The following RANGAP1 variants were observed in gnomAD, a reference collection of about 807,000 sequenced individuals.
RANGAP1 encodes ran GTPase-activating protein 1.
RANGAP1 carries 38 observed loss-of-function variants against 63.5 expected under a neutral mutation model. The ratio of observed to expected loss-of-function variants is 0.60; its 90% confidence interval spans 0.46 to 0.78. The LOEUF is 0.78. Among genes scored for constraint, RANGAP1 ranks in the 30% least tolerant of loss-of-function variants. RANGAP1 has a pLI of 0.00. For synonymous variants in RANGAP1, 329 were observed against 310.5 expected (o/e 1.06, Z -0.63); for missense variants, 630 against 740.3 (o/e 0.85, Z 1.73).
At chr22:41,272,264 C>G (rs1445139232) in intron 3 of RANGAP1, among the ~76,000 whole-genome samples, 3 of 152,134 alleles carry the variant, frequency 2.0e-5, no homozygotes, top group Admixed American at 1.3e-4. Context: ...GGTTGGAAAA[C>G]ATCCCAGCTT....
In RANGAP1 at chr22:41,272,261, A is replaced by T. The variant is rs139676208; in HGVS notation, c.240+2339T>A. 1.8e-3 allele frequency among the ~76,000 whole-genome samples: 274 copies of T among 152,124 alleles called. 1 individual carries two copies. Among genetic ancestry groups the T allele is most frequent in the African/African-American group, 6.3e-3 (261 of 41,492 alleles). Reference sequence around the variant, plus strand: ...CTGAGTTCTGAGTTCTTTGGTTGGAAAACATCCCAGCTTATGCTCAGGGAA... The same window carrying T: ...CTGAGTTCTGAGTTCTTTGGTTGGATAACATCCCAGCTTATGCTCAGGGAA... On this transcript the variant is annotated intron_variant, in intron 3 of 15. Transcript: ENST00000356244.
chr22:41,277,025 C>A (rs1262077660), intron 2 of RANGAP1, among the ~76,000 whole-genome samples: 3 of 148,896 alleles, frequency 2.0e-5, no homozygotes, highest in African/African-American at 7.4e-5. Context: ...ATAAAATGCC[C>A]TGAAAGTAAT....
chr22:41,275,351 G>C (rs1569204615), intron 2 of RANGAP1, among the ~76,000 whole-genome samples: 1 of 152,018 alleles, frequency 6.6e-6, no homozygotes. Flanking sequence ...AATTAGCTGG[G>C]CGTGGTGGTG....
intron 15 of RANGAP1, among the ~76,000 whole-genome samples, chr22:41,247,852 G>A (rs779142141): frequency 5.3e-5 from 8 of 152,212 alleles, no homozygotes; most frequent in Admixed American, 1.3e-4. Context: ...AAGAGGGTCC[G>A]TGCATGTCAC....
At chr22:41,259,186 C>A (rs1167606781) in intron 6 of RANGAP1, among the ~76,000 whole-genome samples, 1 of 152,142 alleles carries the variant, frequency 6.6e-6, no homozygotes, top group African/African-American at 2.4e-5. Flanking sequence ...AGGAGAGGGC[C>A]ATGTCCCAGT....
At chr22:41,273,810 T>A (rs1299737931) in intron 3 of RANGAP1, among the ~76,000 whole-genome samples, 2 of 129,604 alleles carry the variant, frequency 1.5e-5, no homozygotes, top group Admixed American at 8.5e-5. Flanking sequence ...GAGCAGTGGC[T>A]CATGCCTGTA....
chr22:41,295,696 TAA>T, the RANGAP1 span, among the ~76,000 whole-genome samples: 106 of 122,208 alleles, frequency 8.7e-4, no homozygotes, highest in Admixed American at 1.7e-3. Flanking sequence ...AATGATCAAT[TAA>T]AAAAAAAAAA....
At chr22:41,249,699 T>TC (rs1455277479) in intron 14 of RANGAP1, 30 bp downstream of exon 14, 2 of 1,593,040 alleles carry the variant, frequency 1.3e-6, no homozygotes, top group Admixed American at 1.7e-5. Context: ...CCCACCTCCC[T>TC]CCCGGGCCTG....
At chr22:41,282,988 C>T (rs2035574092) in intron 1 of RANGAP1, among the ~76,000 whole-genome samples, 1 of 152,162 alleles carries the variant, frequency 6.6e-6, no homozygotes, top group African/African-American at 2.4e-5. Context: ...CACCCCTAGG[C>T]TTCCTCTGGG....
chr22:41,278,196 G>A (rs1010307993), intron 2 of RANGAP1, among the ~76,000 whole-genome samples: 1 of 152,006 alleles, frequency 6.6e-6, no homozygotes, highest in African/African-American at 2.4e-5. Context: ...CCACCACCAC[G>A]CCCGGCTAAT....
In RANGAP1 at chr22:41,285,443, C is replaced by A. The variant is rs562797895; in HGVS notation, c.-39+543G>T. The A allele has an allele frequency of 5.2e-5, 49 of 941,182 alleles. No homozygotes were observed. In the African/African-American group the frequency reaches 8.0e-4, roughly 15 times the overall value. 58.3% of individuals were successfully genotyped at this position (941,182 alleles called of 1,614,324 possible). A position where few individuals can be genotyped will look rare whatever the true frequency, so the allele number is the denominator to read the frequency against. On this transcript the variant is annotated intron_variant, in intron 1 of 15. Coordinates refer to ENST00000356244, the MANE Select transcript of RANGAP1 (RefSeq NM_002883.4). Reference sequence around the variant, plus strand: ...CAAAGGATCAGCGCCAGAGCAAAAGCAAAGGGCTAATAGAGAAACATCCTC... The same window carrying A: ...CAAAGGATCAGCGCCAGAGCAAAAGAAAAGGGCTAATAGAGAAACATCCTC...
chr22:41,284,567 C>CAAA (rs748021374), intron 1 of RANGAP1, among the ~76,000 whole-genome samples: 1 of 132,408 alleles, frequency 7.6e-6, no homozygotes, highest in East Asian at 2.2e-4. Flanking sequence ...AACTCCGTCT[C>CAAA]AAAAAAAAAA....
At chr22:41,252,594 G>A (rs2033539302) in intron 12 of RANGAP1, among the ~76,000 whole-genome samples, 1 of 152,154 alleles carries the variant, frequency 6.6e-6, no homozygotes, top group African/African-American at 2.4e-5. Context: ...GAGGGGGTGG[G>A]CACATGCAAG....
intron 5 of RANGAP1, among the ~76,000 whole-genome samples, chr22:41,262,374 T>C (rs1188606372): frequency 2.0e-5 from 3 of 152,036 alleles, no homozygotes; most frequent in Non-Finnish European, 4.4e-5. Context: ...GAACACCTGA[T>C]GTTTGCAGAG....
intron 7 of RANGAP1, 67 bp from the exon 8 acceptor site, chr22:41,256,891 G>C: frequency 3.0e-6 from 4 of 1,338,012 alleles, no homozygotes; most frequent in Non-Finnish European, 4.2e-6. Context: ...GCAAGCCCCG[G>C]GGGCCCCACA....
At position 41,246,487 on chromosome 22, in the gene RANGAP1, C is replaced by T; in HGVS notation, c.*116G>A. ...CTGACAGGACACATGGGACACAGAC[C>T]CGCCCTGCCTGTGGCCAGAGTCCTG... On this transcript the variant is annotated 3_prime_UTR_variant, in exon 16 of 16. Transcript: ENST00000356244. 8.6e-7 allele frequency: 1 copy of T among 1,163,100 alleles called. No homozygotes were observed. The highest frequency in any genetic ancestry group is 1.5e-5 in the African/African-American group (1 of 65,282). The allele number at this position is 1,163,100 out of a possible 1,614,324, so 72.0% of individuals were successfully genotyped here. A position where few individuals can be genotyped will look rare whatever the true frequency, so the allele number is the denominator to read the frequency against.
At chr22:41,253,036 G>A in intron 11 of RANGAP1, 45 bp from the exon 12 acceptor site, 1 of 1,385,288 alleles carries the variant, frequency 7.2e-7, no homozygotes, top group Non-Finnish European at 9.4e-7. Context: ...CCGGACCCCA[G>A]ACTCCCCGAC....
At chr22:41,280,831 T>C (rs1034984401) in intron 2 of RANGAP1, 102 bp downstream of exon 2, 1 of 1,562,208 alleles carries the variant, frequency 6.4e-7, no homozygotes, top group Non-Finnish European at 8.7e-7. Flanking sequence ...CTGGGACAAA[T>C]AATGGAGACA....
At chr22:41,279,418 C>G (rs908231082) in intron 2 of RANGAP1, among the ~76,000 whole-genome samples, 1 of 151,088 alleles carries the variant, frequency 6.6e-6, no homozygotes, top group Non-Finnish European at 1.5e-5. Context: ...TACAGTGAGC[C>G]GAGATTGCAC....
Sources: allele counts gnomAD v4.1 joint callset (sites outside exome capture counted in the v4.1 genomes callset), GRCh38; gene constraint gnomAD v4.1.1; transcripts MANE v1.5; gene names NCBI Gene and HGNC (gene_info 2026-07-23, HGNC 2026-07-21).